The following RETREG3 variants were observed in gnomAD, a reference collection of about 807,000 sequenced individuals.
The protein encoded by RETREG3 is reticulophagy regulator 3.
In RETREG3, 23 loss-of-function variants were observed where a neutral mutation model predicts 50.2. The ratio of observed to expected loss-of-function variants is 0.46; its 90% CI spans 0.33 to 0.65. RETREG3 has a LOEUF of 0.65. RETREG3 is among the 30% of genes least tolerant of loss of function. The probability of loss-of-function intolerance (pLI) is 0.02; values close to 1 mark genes in which losing one functional copy is unlikely to be tolerated. For synonymous variants in RETREG3, 240 were observed against 234.4 expected (o/e 1.02, Z -0.22); for missense variants, 546 against 598.0 (o/e 0.91, Z 0.91).
intron 1 of RETREG3, among the ~76,000 whole-genome samples, chr17:42,600,880 G>A (rs2093157109): frequency 6.6e-6 from 1 of 152,128 alleles, no homozygotes; most frequent in African/African-American, 2.4e-5. Context: ...TCAGCCATGA[G>A]GTGGAATGAT....
chr17:42,587,982 G>A (rs2093124522), intron 2 of RETREG3, 118 bp from the exon 3 acceptor site: 1 of 1,144,036 alleles, frequency 8.7e-7, no homozygotes. Flanking sequence ...AACAGTAATA[G>A]CCGATAAAAA....
chr17:42,599,471 A>G (rs985467698), intron 1 of RETREG3, among the ~76,000 whole-genome samples: 20 of 151,932 alleles, frequency 1.3e-4, no homozygotes, highest in Admixed American at 1.1e-3. Flanking sequence ...CCTAGCTAAC[A>G]TGGAGAAACT....
chr17:42,608,779 T>G (rs2093173260), intron 1 of RETREG3: 1 of 342,162 alleles, frequency 2.9e-6, no homozygotes, highest in South Asian at 6.6e-5. Flanking sequence ...GGACGCAGCT[T>G]TGTCGGGCTC....
intron 1 of RETREG3, among the ~76,000 whole-genome samples, chr17:42,593,637 G>T (rs2093137586): frequency 1.6e-5 from 2 of 122,392 alleles, no homozygotes; most frequent in Non-Finnish European, 3.2e-5. Context: ...GACAGAGCAA[G>T]ACTCCGTCTC....
chr17:42,592,030 A>G, intron 2 of RETREG3, 26 bp downstream of exon 2: 1 of 1,582,148 alleles, frequency 6.3e-7, no homozygotes, highest in African/African-American at 1.3e-5. Context: ...TTCAGTTCAG[A>G]TTGTTCTAAA....
At chr17:42,598,991 T>C (rs1200480504) in intron 1 of RETREG3, 2 of 152,284 alleles carry the variant, frequency 1.3e-5, no homozygotes, top group South Asian at 2.1e-4. Flanking sequence ...AAACCAACCT[T>C]CTTAGGAGAG....
At chr17:42,607,842 TA>T in intron 1 of RETREG3, among the ~76,000 whole-genome samples, 1 of 149,408 alleles carries the variant, frequency 6.7e-6, no homozygotes, top group Non-Finnish European at 1.5e-5. Context: ...CTACCAAAAA[TA>T]AATGAAGAAC....
At chr17:42,603,024 G>T (rs976863963) in intron 1 of RETREG3, among the ~76,000 whole-genome samples, 4 of 151,842 alleles carry the variant, frequency 2.6e-5, no homozygotes, top group Non-Finnish European at 5.9e-5. Flanking sequence ...TTGTGAGAGT[G>T]AAATTTTATA....
At chr17:42,591,966 A>ACAC (rs1555629205) in intron 2 of RETREG3, 90 bp downstream of exon 2, 1 of 1,134,154 alleles carries the variant, frequency 8.8e-7, no homozygotes, top group Non-Finnish European at 1.3e-6. Flanking sequence ...CCAGCTCCAT[A>ACAC]CACCTCCTCA....
chr17:42,588,984 A>C (rs989174127), intron 2 of RETREG3, among the ~76,000 whole-genome samples: 3 of 152,078 alleles, frequency 2.0e-5, no homozygotes, highest in African/African-American at 7.2e-5. Context: ...AAAGAGACCC[A>C]GAGCTAGGTG....
chr17:42,586,061 T>C lies in RETREG3; in HGVS notation c.581A>G (p.Tyr194Cys), dbSNP rs1339227537. The C allele has an allele frequency of 1.2e-6, 2 of 1,613,862 alleles. No homozygotes were observed. The highest frequency in any genetic ancestry group is 1.7e-6 in the Non-Finnish European group (2 of 1,179,938). Residue 194 changes from tyrosine to cysteine, a missense_variant, in exon 5 of 9, where the codon TAC becomes TGC. Coordinates refer to ENST00000309428, the MANE Select transcript of RETREG3 (RefSeq NM_178126.4). ...GRYVPGLLLSYLMLVTVMMWP... is the reference protein window; with the variant it reads ...GRYVPGLLLSCLMLVTVMMWP... Reference sequence around the variant, plus strand: ...GTATATGTCATACTTACGCATCAAGTAGGACAGCAGAAGCCCAGGGACGTA... The same window carrying C: ...GTATATGTCATACTTACGCATCAAGCAGGACAGCAGAAGCCCAGGGACGTA...
chr17:42,595,666 CT>C (rs770492649), intron 1 of RETREG3, among the ~76,000 whole-genome samples: 4,493 of 134,360 alleles, frequency 0.033, 63 homozygotes, highest in Non-Finnish European at 0.053. Flanking sequence ...TTCTTTCTTT[CT>C]TTTTTTTTTT....
In RETREG3 at chr17:42,599,218, G is replaced by A. The variant is rs565745783; in HGVS notation, c.240-7056C>T. On this transcript the variant is annotated intron_variant, in intron 1 of 8. Transcript: ENST00000309428. ...CTCCTTGGCCTTGTTAAATGTGCTT[G>A]TTTGTTGGGATGATGCACTGGCTTT... 2.6e-5 allele frequency: 4 copies of A among 152,354 alleles called. No homozygotes were observed. The East Asian group carries it at 7.7e-4, about 29-fold the overall frequency. The allele number at this position is 152,354 out of a possible 1,614,324, so 9.4% of individuals were successfully genotyped here. A position where few individuals can be genotyped will look rare whatever the true frequency, so the allele number is the denominator to read the frequency against.
At chr17:42,587,754 T>C (rs1348645738) in intron 3 of RETREG3, 80 bp downstream of exon 3, 1 of 1,544,884 alleles carries the variant, frequency 6.5e-7, no homozygotes, top group Non-Finnish European at 8.9e-7. Context: ...GTCCAGAACA[T>C]GGGGTTAACA....
At chr17:42,597,408 C>T (rs1001612389) in intron 1 of RETREG3, among the ~76,000 whole-genome samples, 10 of 148,744 alleles carry the variant, frequency 6.7e-5, no homozygotes, top group Admixed American at 2.0e-4. Context: ...AGGATGATCT[C>T]GATCTCCTGA....
rs767816090 is a variant in RETREG3 at position 42,586,089 on chromosome 17, G to A, written c.553C>T (p.Arg185Cys). Reference protein sequence around the residue: ...GILTFLAVLGRYVPGLLLSYL... With the variant: ...GILTFLAVLGCYVPGLLLSYL... ...GACAGCAGAAGCCCAGGGACGTAGCGGCCCAAGACAGCCAAAAAGGTCAGT... is the reference window on the plus strand; with the variant it reads ...GACAGCAGAAGCCCAGGGACGTAGCAGCCCAAGACAGCCAAAAAGGTCAGT... Residue 185 changes from arginine (R) to cysteine (C), a missense_variant, in exon 5 of 9, where the codon CGC becomes TGC. Coordinates refer to ENST00000309428, the MANE Select transcript of RETREG3 (RefSeq NM_178126.4). The A allele has an allele frequency of 1.3e-5, 21 of 1,614,052 alleles. No homozygotes were observed. Among genetic ancestry groups the A allele is most frequent in the South Asian group, 2.2e-5 (2 of 91,080 alleles).
At position 42,582,202 on chromosome 17, in the gene RETREG3, T is replaced by A; in HGVS notation, c.1012A>T (p.Met338Leu). Residue 338 changes from methionine to leucine, a missense_variant, in exon 9 of 9, where the codon ATG becomes TTG. Met to Leu is a conservative substitution (Grantham distance 15). Transcript: ENST00000309428. Reference protein sequence around the residue: ...RDLPDFPSINMDPAGLDDEDD... With the variant: ...RDLPDFPSINLDPAGLDDEDD... ...TCATCATCCAGGCCAGCAGGATCCA[T>A]ATTAATGGAAGGGAAGTCTGGAAGG... The A allele has an allele frequency of 6.2e-7, 1 of 1,613,694 alleles. No individual in the cohort carries two copies. Among genetic ancestry groups the A allele is most frequent in the Non-Finnish European group, 8.5e-7 (1 of 1,180,016 alleles).
At chr17:42,592,221 A>G in intron 1 of RETREG3, 59 bp from the exon 2 acceptor site, 2 of 1,438,176 alleles carry the variant, frequency 1.4e-6, no homozygotes, top group South Asian at 2.3e-5. Flanking sequence ...ATTTCAGAAA[A>G]GGCCACGTGT....
rs2093134706 is a variant in RETREG3 at position 42,592,224 on chromosome 17, C to G, written c.240-62G>C. The G allele has an allele frequency of 2.8e-6, 4 of 1,408,998 alleles. No homozygotes were observed. The South Asian group carries it at 4.8e-5, about 17-fold the overall frequency. 87.3% of individuals were successfully genotyped at this position (1,408,998 alleles called of 1,614,324 possible). On this transcript the variant is annotated intron_variant, in intron 1 of 8. Transcript: ENST00000309428. ...CTAGTTATCCTAATTTCAGAAAAGGCCACGTGTGTACGATGGGCTCTGTGG... is the reference window on the plus strand; with the variant it reads ...CTAGTTATCCTAATTTCAGAAAAGGGCACGTGTGTACGATGGGCTCTGTGG...
Sources: allele counts gnomAD v4.1 joint callset (sites outside exome capture counted in the v4.1 genomes callset), GRCh38; gene constraint gnomAD v4.1.1; transcripts MANE v1.5; gene names NCBI Gene and HGNC (gene_info 2026-07-23, HGNC 2026-07-21).